GABRG1: variants seen among roughly 807,000 people sequenced by gnomAD.
GABRG1 encodes gamma-aminobutyric acid receptor subunit gamma-1.
In GABRG1, 49 loss-of-function variants were observed where a neutral mutation model predicts 49.8. The ratio of observed to expected loss-of-function variants is 0.98; its 90% CI spans 0.78 to 1.25. The LOEUF (loss-of-function observed/expected upper bound fraction) is 1.25, where lower values mean the gene tolerates loss of function less well. Ranked by LOEUF, GABRG1 falls within the 50% of genes most tolerant of loss-of-function variation. The probability of loss-of-function intolerance (pLI) is 0.00; values close to 1 mark genes in which losing one functional copy is unlikely to be tolerated. For synonymous variants in GABRG1, 232 were observed against 185.1 expected (o/e 1.25, Z -2.06); for missense variants, 552 against 552.3 (o/e 1.00, Z 0.01).
Position 46,099,254 on chromosome 4 carries a change from T to C in GABRG1, c.105-1905A>G, listed in dbSNP as rs1720297293. On this transcript the variant is annotated intron_variant, in intron 1 of 8. Transcript: ENST00000295452. ...TGACCCTGTGATTGACTTGGGCTAATGGTATATAACTGACATGCATCACTA... is the reference window on the plus strand; with the variant it reads ...TGACCCTGTGATTGACTTGGGCTAACGGTATATAACTGACATGCATCACTA... Among the ~76,000 whole-genome samples the C allele has an allele frequency of 2.0e-5, 3 of 151,678 alleles. No homozygotes were observed. In the Admixed American group the frequency reaches 2.0e-4, roughly 10 times the overall value.
At chr4:46,110,581 G>A (rs1460950798) in intron 1 of GABRG1, among the ~76,000 whole-genome samples, 1 of 151,106 alleles carries the variant, frequency 6.6e-6, no homozygotes, top group Non-Finnish European at 1.5e-5. Flanking sequence ...TATCCTTGAT[G>A]AACATAGATG....
At chr4:46,049,548 A>T (rs1221763528) in intron 8 of GABRG1, among the ~76,000 whole-genome samples, 1 of 151,962 alleles carries the variant, frequency 6.6e-6, no homozygotes, top group Non-Finnish European at 1.5e-5. Context: ...GCCATTTAGT[A>T]CTTCAATACT....
chr4:46,094,759 TC>T (rs1290894050), intron 2 of GABRG1, among the ~76,000 whole-genome samples: 1 of 151,934 alleles, frequency 6.6e-6, no homozygotes, highest in Non-Finnish European at 1.5e-5. Context: ...AACACCACAA[TC>T]AAATCCAAAG....
chr4:46,106,393 TTGTC>T (rs1158774388), intron 1 of GABRG1, among the ~76,000 whole-genome samples: 5 of 151,438 alleles, frequency 3.3e-5, no homozygotes, highest in African/African-American at 1.2e-4. Context: ...TTTGTTTGGT[TTGTC>T]TAAGTGCAAT....
chr4:46,036,496 A>G lies in GABRG1; in HGVS notation c.*4492T>C, dbSNP rs1717532279. The G allele has an allele frequency of 6.6e-6, 1 of 152,068 alleles. No individual in the cohort carries two copies. The highest frequency in any genetic ancestry group is 2.1e-4 in the South Asian group (1 of 4,826). The allele number at this position is 152,068 out of a possible 1,614,324, so 9.4% of individuals were successfully genotyped here. ...ATCAACAGGAAAAATAAGCCTTTGT[A>G]TTACATTCAGAATTTCCTTATGGTG... On this transcript the variant is annotated 3_prime_UTR_variant, in exon 9 of 9. Transcript: ENST00000295452.
rs1408193178 is a variant in GABRG1, at chr4:46,083,059, C to A, written c.321+927G>T. ...TGCTGGACCATTCCTGCTGAATGCA[C>A]CATGAGCATTTGGGGTACATAGGCC... On this transcript the variant is annotated intron_variant, in intron 3 of 8. Coordinates refer to ENST00000295452, the MANE Select transcript of GABRG1 (RefSeq NM_173536.4). Among the ~76,000 whole-genome samples the A allele has an allele frequency of 2.0e-5, 3 of 151,666 alleles. No homozygotes were observed. In the Admixed American group the frequency reaches 2.0e-4, roughly 10 times the overall value.
At chr4:46,111,474 T>A (rs1191199505) in intron 1 of GABRG1, among the ~76,000 whole-genome samples, 2 of 150,910 alleles carry the variant, frequency 1.3e-5, no homozygotes, top group Non-Finnish European at 1.5e-5. Flanking sequence ...GAGTTTTCCA[T>A]AGAACTAGGA....
intron 8 of GABRG1, 22 bp downstream of exon 8, chr4:46,051,402 G>C: frequency 6.5e-7 from 1 of 1,537,286 alleles, no homozygotes; most frequent in Non-Finnish European, 8.8e-7. Flanking sequence ...TTATAAAATA[G>C]AAATTTTTCT....
intron 8 of GABRG1, among the ~76,000 whole-genome samples, chr4:46,050,690 A>G (rs188568626): frequency 4.5e-4 from 69 of 151,976 alleles, no homozygotes; most frequent in Non-Finnish European, 8.8e-4. Context: ...AAAAGGATCC[A>G]GGTCTGAGTC....
chr4:46,037,942 T>C lies in GABRG1; in HGVS notation c.*3046A>G, dbSNP rs1577621936. 6.6e-6 allele frequency: 1 copy of C among 151,758 alleles called. No homozygotes were observed. The highest frequency in any genetic ancestry group is 1.9e-4 in the East Asian group (1 of 5,148). 9.4% of individuals were successfully genotyped at this position (151,758 alleles called of 1,614,324 possible). The stretch of plus-strand genomic sequence containing the variant: ...TATTCTTGTTCTTGAGACAAAAACA[T>C]TGTCTATTTTATGATGATATACTAA... On this transcript the variant is annotated 3_prime_UTR_variant, in exon 9 of 9. Coordinates refer to ENST00000295452, the MANE Select transcript of GABRG1 (RefSeq NM_173536.4).
intron 8 of GABRG1, 77 bp from the exon 9 acceptor site, chr4:46,041,331 A>C: frequency 1.6e-6 from 2 of 1,241,218 alleles, no homozygotes. Flanking sequence ...TTTAACGCAA[A>C]CTCTAGGAGA....
At chr4:46,065,316 G>T (rs778015496) in intron 4 of GABRG1, 48 bp downstream of exon 4, 3 of 1,258,196 alleles carry the variant, frequency 2.4e-6, no homozygotes, top group Non-Finnish European at 3.4e-6. Flanking sequence ...TTAAATATTA[G>T]TATGGAAAAT....
rs183388907 is a variant in GABRG1 at position 46,083,893 on chromosome 4, A to G, written c.321+93T>C. 13 of 733,958 alleles carry G rather than the reference A, an allele frequency of 1.8e-5. No homozygotes were observed. The African/African-American group carries it at 2.4e-4, about 13-fold the overall frequency. The allele number at this position is 733,958 out of a possible 1,614,324, so 45.5% of individuals were successfully genotyped here. A position where few individuals can be genotyped will look rare whatever the true frequency, so the allele number is the denominator to read the frequency against. On this transcript the variant is annotated intron_variant, in intron 3 of 8. Transcript: ENST00000295452. ...TGTTGATCTGAATTCATTCAGAATT[A>G]ACTATAAAAAATTACTCACATGCGA... is the stretch of plus-strand genomic sequence containing the variant.
chr4:46,053,840 C>A (rs147553243), intron 7 of GABRG1, among the ~76,000 whole-genome samples: 1 of 151,942 alleles, frequency 6.6e-6, no homozygotes, highest in Non-Finnish European at 1.5e-5. Context: ...TTGAGAAGAA[C>A]ATAGTGGATT....
chr4:46,056,151 T>TAAAAAAAAAAAAAAAAAAAAAAAAAA (rs1182116080), intron 7 of GABRG1, among the ~76,000 whole-genome samples: 2 of 9,144 alleles, frequency 2.2e-4, no homozygotes, highest in African/African-American at 9.7e-4. Flanking sequence ...ATAAATAAAT[T>TAAAAAAAAAAAAAAAAAAAAAAAAAA]AAAAAAAAAA....
Position 46,036,311 on chromosome 4 carries a change from T to C in GABRG1, c.*4677A>G, listed in dbSNP as rs1162195779. On this transcript the variant is annotated 3_prime_UTR_variant, in exon 9 of 9. Coordinates refer to ENST00000295452, the MANE Select transcript of GABRG1 (RefSeq NM_173536.4). ...ATATATATAATTTTATACATATATA[T>C]ATGTATGTATGTCTCAGTTAGAAAA... 1 of 151,722 alleles carries C rather than the reference T, an allele frequency of 6.6e-6. No homozygotes were observed. Among genetic ancestry groups the C allele is most frequent in the Non-Finnish European group, 1.5e-5 (1 of 67,834 alleles). 9.4% of individuals were successfully genotyped at this position (151,722 alleles called of 1,614,324 possible). A position where few individuals can be genotyped will look rare whatever the true frequency, so the allele number is the denominator to read the frequency against.
chr4:46,099,680 A>G (rs1046791735), intron 1 of GABRG1, among the ~76,000 whole-genome samples: 6 of 151,756 alleles, frequency 4.0e-5, no homozygotes, highest in African/African-American at 1.4e-4. Context: ...TCTCTGCCAA[A>G]ACAATTCTGG....
chr4:46,095,424 T>C (rs576988941), intron 2 of GABRG1, among the ~76,000 whole-genome samples: 4 of 151,700 alleles, frequency 2.6e-5, no homozygotes, highest in Non-Finnish European at 5.9e-5. Flanking sequence ...TTGAAAAAAA[T>C]GTATCAATGT....
At position 46,039,302 on chromosome 4, in the gene GABRG1, T is replaced by C. The variant is rs900877501; in HGVS notation, c.*1686A>G. On this transcript the variant is annotated 3_prime_UTR_variant, in exon 9 of 9. Transcript: ENST00000295452. ...TTACCATTTGATTCATGCTTATTTT[T>C]TTCCAGAAGTTTATGAGCAAGTGAA... 3.1e-4 allele frequency: 47 copies of C among 151,692 alleles called. No individual in the cohort carries two copies. The highest frequency in any genetic ancestry group is 1.1e-3 in the African/African-American group (46 of 41,520). 9.4% of individuals were successfully genotyped at this position (151,692 alleles called of 1,614,324 possible).
Sources: allele counts gnomAD v4.1 joint callset (sites outside exome capture counted in the v4.1 genomes callset), GRCh38; gene constraint gnomAD v4.1.1; transcripts MANE v1.5; gene names NCBI Gene and HGNC (gene_info 2026-07-23, HGNC 2026-07-21).